ABTB1: variants seen among roughly 807,000 people sequenced by gnomAD.
The protein encoded by ABTB1 is ankyrin repeat and BTB/POZ domain-containing protein 1.
A neutral mutation model predicts 57.1 loss-of-function variants in ABTB1; 45 were observed. That is an observed-to-expected ratio of 0.79 (90% CI 0.62 to 1.01). The LOEUF is 1.01. ABTB1 is among the 50% of genes least tolerant of loss of function. The pLI, the probability that ABTB1 is intolerant of heterozygous loss-of-function variation, is 0.00. For missense variants in ABTB1, 630 were observed against 666.3 expected (o/e 0.95, Z 0.60); for synonymous variants, 302 against 275.4 (o/e 1.10, Z -0.95).
chr3:127,674,328 C>G, intron 1 of ABTB1, 63 bp from the exon 2 acceptor site: 1 of 1,562,602 alleles, frequency 6.4e-7, no homozygotes, highest in Non-Finnish European at 8.7e-7. Flanking sequence ...TTCCTTTCCA[C>G]GGGCCTTCTT....
At position 127,680,673 on chromosome 3, in the gene ABTB1, C is replaced by A. The variant is rs199506319; in HGVS notation, c.*198C>A. The A allele has an allele frequency of 2.0e-5, 15 of 757,816 alleles. No individual in the cohort carries two copies. Among genetic ancestry groups the A allele is most frequent in the East Asian group, 1.5e-4 (6 of 40,734 alleles). 46.9% of individuals were successfully genotyped at this position (757,816 alleles called of 1,614,324 possible). ...TCCATTTGGGATGAGCCCCCTCCCC[C>A]CAATGCACAAGCCAGCCCCCAAGAC... On this transcript the variant is annotated 3_prime_UTR_variant, in exon 12 of 12. Coordinates refer to ENST00000232744, the MANE Select transcript of ABTB1 (RefSeq NM_172027.3).
At chr3:127,679,458 G>A in intron 10 of ABTB1, 1 of 453,430 alleles carries the variant, frequency 2.2e-6, no homozygotes, top group South Asian at 1.6e-5. Context: ...TCTGTAGGTG[G>A]GCTCTGTGTC....
rs751613143 is a variant in ABTB1 at position 127,680,079 on chromosome 3, T to G, written c.1124T>G (p.Met375Arg). ...CTGTGCGGCCGCAGCCTGGCTCAGA[T>G]GCTAGACGAGGACACTGTGGTGGGT... ...KRLCGRSLAQ[M>R]LDEDTVVGVW... Residue 375 changes from methionine to arginine, a missense_variant, in exon 11 of 12, where the codon ATG becomes AGG. Physicochemically the swap from Met to Arg is moderately conservative, Grantham distance 91. Transcript: ENST00000232744. 1.3e-5 allele frequency: 21 copies of G among 1,613,888 alleles called. 1 individual carries two copies. The highest frequency in any genetic ancestry group is 1.8e-5 in the Non-Finnish European group (21 of 1,180,024).
chr3:127,676,438 C>T lies in ABTB1; in HGVS notation c.480+7C>T. On this transcript the variant is annotated splice_region_variant and intron_variant, in intron 5 of 11. Coordinates refer to ENST00000232744, the MANE Select transcript of ABTB1 (RefSeq NM_172027.3). The surrounding 1 kb of genome is among the most constrained non-coding windows in gnomAD (Gnocchi z 5.4). ...GGTTCTCAGGCACCCACTGGTATGTCCCTTCAGGGTGGCAGAGGGGCATGA... is the reference window on the plus strand; with the variant it reads ...GGTTCTCAGGCACCCACTGGTATGTTCCTTCAGGGTGGCAGAGGGGCATGA... The T allele has an allele frequency of 1.2e-6, 2 of 1,613,954 alleles. No individual in the cohort carries two copies. The highest frequency in any genetic ancestry group is 2.2e-5 in the South Asian group (2 of 91,064).
Position 127,674,435 on chromosome 3 carries a change from A to C in ABTB1, c.101A>C (p.Lys34Thr). Residue 34 changes from lysine (K) to threonine (T), a missense_variant, in exon 2 of 12, where the codon AAG becomes ACG. By Grantham distance (78) the Lys-to-Thr change is moderately conservative. This residue lies in a region of ABTB1 where 579 missense variants were observed against 585.9 expected (regional missense o/e 0.99). Transcript: ENST00000232744. ...QRDVEVNVRD[K>T]WDSTPLYYAC... Reference sequence around the variant, plus strand: ...GACGTGGAGGTGAATGTGCGGGACAAGTGGGACAGCACCCCCTTGTGAGTG... The same window carrying C: ...GACGTGGAGGTGAATGTGCGGGACACGTGGGACAGCACCCCCTTGTGAGTG... The C allele has an allele frequency of 7.2e-7, 1 of 1,395,348 alleles. No individual in the cohort carries two copies. Among genetic ancestry groups the C allele is most frequent in the Non-Finnish European group, 9.6e-7 (1 of 1,045,160 alleles). The allele number at this position is 1,395,348 out of a possible 1,614,324, so 86.4% of individuals were successfully genotyped here.
At position 127,676,584 on chromosome 3, in the gene ABTB1, G is replaced by A. The variant is rs975785412; in HGVS notation, c.526+3G>A. ...CCTGCTGCAGTACCTGTACACAGGT[G>A]ACCCCCTGGGTCCAGGGTAGGAGGA... On this transcript the variant is annotated splice_donor_region_variant and intron_variant, in intron 6 of 11. Transcript: ENST00000232744. The surrounding 1 kb of genome is among the most constrained non-coding windows in gnomAD (Gnocchi z 5.4). 1 of 1,613,540 alleles carries A rather than the reference G, an allele frequency of 6.2e-7. No individual in the cohort carries two copies. The highest frequency in any genetic ancestry group is 1.3e-5 in the African/African-American group (1 of 74,902).
Position 127,676,596 on chromosome 3 carries a change from C to G in ABTB1, c.526+15C>G. 6.2e-7 allele frequency: 1 copy of G among 1,613,326 alleles called. No homozygotes were observed. The highest frequency in any genetic ancestry group is 8.5e-7 in the Non-Finnish European group (1 of 1,179,904). ...CCTGTACACAGGTGACCCCCTGGGT[C>G]CAGGGTAGGAGGAGAGGGAGTGGGC... On this transcript the variant is annotated intron_variant, in intron 6 of 11. Coordinates refer to ENST00000232744, the MANE Select transcript of ABTB1 (RefSeq NM_172027.3). This position sits in a 1 kb window ranked among gnomAD's most constrained non-coding sequence, Gnocchi z 5.4.
rs148235279 is a variant in ABTB1 at position 127,674,429 on chromosome 3, G to A, written c.95G>A (p.Arg32Gln). Residue 32 changes from arginine to glutamine, a missense_variant, in exon 2 of 12, where the codon CGG becomes CAG. This residue lies in a region of ABTB1 where 579 missense variants were observed against 585.9 expected (regional missense o/e 0.99). Coordinates refer to ENST00000232744, the MANE Select transcript of ABTB1 (RefSeq NM_172027.3). ...LEQRDVEVNV[R>Q]DKWDSTPLYY... ...CAGCGAGACGTGGAGGTGAATGTGC[G>A]GGACAAGTGGGACAGCACCCCCTTG... 713 of 1,613,152 alleles carry A rather than the reference G, an allele frequency of 4.4e-4. No individual in the cohort carries two copies. The highest frequency in any genetic ancestry group is 4.2e-4 in the Non-Finnish European group (493 of 1,179,770).
At position 127,677,190 on chromosome 3, in the gene ABTB1, T is replaced by C; in HGVS notation, c.666T>C (p.Cys222=). The change falls in exon 8 of 12, where the codon TGT becomes TGC. Residue 222 remains cysteine, a synonymous_variant. Transcript: ENST00000232744. ...SEFVASKPGT[C]VKVLTIEPPP... ...TAGTGGCGTCTAAGCCAGGCACGTGTGTGAAGGTGCTGACCATCGAGCCCC... is the reference window on the plus strand; with the variant it reads ...TAGTGGCGTCTAAGCCAGGCACGTGCGTGAAGGTGCTGACCATCGAGCCCC... 6.2e-7 allele frequency: 1 copy of C among 1,613,034 alleles called. No homozygotes were observed. Among genetic ancestry groups the C allele is most frequent in the Non-Finnish European group, 8.5e-7 (1 of 1,179,648 alleles).
intron 3 of ABTB1, chr3:127,675,730 T>TAGA: frequency 1.7e-6 from 1 of 574,534 alleles, no homozygotes. Context: ...CAGCTCTCCG[T>TAGA]TCTGTGTTGT....
Position 127,680,627 on chromosome 3 carries a change from C to T in ABTB1, c.*152C>T. 2 of 969,566 alleles carry T rather than the reference C, an allele frequency of 2.1e-6. No homozygotes were observed. Among genetic ancestry groups the T allele is most frequent in the Non-Finnish European group, 1.6e-6 (1 of 615,576 alleles). 60.1% of individuals were successfully genotyped at this position (969,566 alleles called of 1,614,324 possible). On this transcript the variant is annotated 3_prime_UTR_variant, in exon 12 of 12. Coordinates refer to ENST00000232744, the MANE Select transcript of ABTB1 (RefSeq NM_172027.3). Reference sequence around the variant, plus strand: ...GTGGGGCTTCTCTTCCCTCCATGAGCCTGGAGACCCCAGGGGAGGATCCAT... The same window carrying T: ...GTGGGGCTTCTCTTCCCTCCATGAGTCTGGAGACCCCAGGGGAGGATCCAT...
rs1280500420 is a variant in ABTB1, at chr3:127,676,478, G to A, written c.480+47G>A. The A allele has an allele frequency of 6.2e-7, 1 of 1,614,024 alleles. No individual in the cohort carries two copies. The highest frequency in any genetic ancestry group is 1.3e-5 in the African/African-American group (1 of 74,918). ...GAGGGGCATGAACTGTCCAGGAACAGCAGGAGGTTGTGCTGGGTGGCTGCC... is the reference window on the plus strand; with the variant it reads ...GAGGGGCATGAACTGTCCAGGAACAACAGGAGGTTGTGCTGGGTGGCTGCC... On this transcript the variant is annotated intron_variant, in intron 5 of 11. Coordinates refer to ENST00000232744, the MANE Select transcript of ABTB1 (RefSeq NM_172027.3). This position sits in a 1 kb window ranked among gnomAD's most constrained non-coding sequence, Gnocchi z 5.4.
In ABTB1 at chr3:127,676,470, C is replaced by T. The variant is rs1346733362; in HGVS notation, c.480+39C>T. The T allele has an allele frequency of 1.9e-6, 3 of 1,614,016 alleles. No individual in the cohort carries two copies. The highest frequency in any genetic ancestry group is 3.3e-5 in the Admixed American group (2 of 60,016). ...GGGTGGCAGAGGGGCATGAACTGTC[C>T]AGGAACAGCAGGAGGTTGTGCTGGG... On this transcript the variant is annotated intron_variant, in intron 5 of 11. Coordinates refer to ENST00000232744, the MANE Select transcript of ABTB1 (RefSeq NM_172027.3). The surrounding 1 kb of genome is among the most constrained non-coding windows in gnomAD (Gnocchi z 5.4).
At chr3:127,674,259 T>A in intron 1 of ABTB1, 132 bp from the exon 2 acceptor site, 1 of 1,211,208 alleles carries the variant, frequency 8.3e-7, no homozygotes, top group South Asian at 1.4e-5. Flanking sequence ...CTGGTCTGCC[T>A]GTCACCTGCC....
Position 127,676,373 on chromosome 3 carries a change from C to T in ABTB1, c.422C>T (p.Ala141Val), listed in dbSNP as rs1439332207. Residue 141 changes from alanine to valine, a missense_variant, in exon 5 of 12, where the codon GCC becomes GTC. This residue lies in a region of ABTB1 where 579 missense variants were observed against 585.9 expected (regional missense o/e 0.99). Coordinates refer to ENST00000232744, the MANE Select transcript of ABTB1 (RefSeq NM_172027.3). This position sits in a 1 kb window ranked among gnomAD's most constrained non-coding sequence, Gnocchi z 5.4. Reference sequence around the variant, plus strand: ...CTGGGTGCACGTAGTGCCTACTTTGCCAACATGCTGGACACCAAATGGAAG... The same window carrying T: ...CTGGGTGCACGTAGTGCCTACTTTGTCAACATGCTGGACACCAAATGGAAG... ...CVLGARSAYF[A>V]NMLDTKWKGK... is the part of the protein sequence containing the mutation. The T allele has an allele frequency of 3.1e-6, 5 of 1,614,050 alleles. No individual in the cohort carries two copies. Among genetic ancestry groups the T allele is most frequent in the Non-Finnish European group, 4.2e-6 (5 of 1,180,022 alleles).
In ABTB1 at chr3:127,674,674, C is replaced by T. The variant is rs373134391; in HGVS notation, c.175+74C>T. 1.7e-4 allele frequency: 261 copies of T among 1,566,416 alleles called. 1 individual carries two copies. The African/African-American group carries it at 3.1e-3, about 19-fold the overall frequency. On this transcript the variant is annotated intron_variant, in intron 3 of 11. Transcript: ENST00000232744. The stretch of plus-strand genomic sequence containing the variant: ...GTGCGTGTGGGTGCATGCATGCGTG[C>T]GTGCATTCAAAGGCCTTGATACACA...
chr3:127,673,158 T>TGGGCGGCC (rs1231895076), intron 1 of ABTB1, 77 bp downstream of exon 1: 68 of 1,367,550 alleles, frequency 5.0e-5, no homozygotes, highest in Admixed American at 4.8e-4. Flanking sequence ...GACGGGCGGC[T>TGGGCGGCC]GGGCGGCCGC....
intron 3 of ABTB1, chr3:127,675,640 A>T: frequency 2.9e-6 from 1 of 348,306 alleles, no homozygotes; most frequent in Non-Finnish European, 5.5e-6. Flanking sequence ...GCCTCACTAG[A>T]GTATAAGTTC....
At chr3:127,677,119 C>G in intron 7 of ABTB1, 36 bp downstream of exon 7, 2 of 1,612,946 alleles carry the variant, frequency 1.2e-6, no homozygotes, top group Non-Finnish European at 1.7e-6. Context: ...GCCATGGGTG[C>G]GGCCTGGCAG....
Sources: allele counts gnomAD v4.1 joint callset, GRCh38; gene constraint gnomAD v4.1.1; regional missense constraint gnomAD v4.1.1; non-coding constraint Gnocchi (gnomAD v3.1); transcripts MANE v1.5; gene names NCBI Gene and HGNC (gene_info 2026-07-23, HGNC 2026-07-21).